Variants in XPO6 observed in about 807,000 individuals in gnomAD.
XPO6 encodes exportin 6.
A neutral mutation model predicts 130.0 loss-of-function variants in XPO6; 3 were observed. That is an observed-to-expected ratio of 0.02 (90% CI 0.01 to 0.06). XPO6 has a LOEUF of 0.06. XPO6 is among the 10% of genes least tolerant of loss of function. XPO6 has a pLI of 1.00. For missense variants in XPO6, 970 were observed against 1,393.0 expected (o/e 0.70, Z 4.83); for synonymous variants, 524 against 548.9 (o/e 0.95, Z 0.63).
chr16:28,142,972 A>G (rs567375219), intron 9 of XPO6, among the ~76,000 whole-genome samples: 104 of 152,318 alleles, frequency 6.8e-4, no homozygotes, highest in Non-Finnish European at 1.3e-3. Flanking sequence ...CAGTCTCCCA[A>G]AGTGCTGGGA....
chr16:28,098,706 C>A (rs903614709), intron 23 of XPO6, 67 bp from the exon 24 acceptor site: 5 of 1,197,546 alleles, frequency 4.2e-6, no homozygotes, highest in African/African-American at 3.0e-5. Context: ...ACCCCAACAG[C>A]TACTTCCATC....
chr16:28,146,700 A>G (rs2042989106), intron 8 of XPO6, among the ~76,000 whole-genome samples: 1 of 152,230 alleles, frequency 6.6e-6, no homozygotes, highest in Non-Finnish European at 1.5e-5. Context: ...TAAGGAAAGT[A>G]ACACTTGCAG....
intron 9 of XPO6, among the ~76,000 whole-genome samples, chr16:28,140,529 T>C (rs1030477941): frequency 2.0e-5 from 3 of 151,440 alleles, no homozygotes; most frequent in African/African-American, 4.9e-5. Flanking sequence ...AATACAAAAA[T>C]TAGCTGAGTG....
At chr16:28,122,768 G>C (rs985611328) in intron 13 of XPO6, among the ~76,000 whole-genome samples, 1 of 152,042 alleles carries the variant, frequency 6.6e-6, no homozygotes. Context: ...AAATGTTTCA[G>C]ATGGGTTGAT....
chr16:28,135,630 C>T (rs1282975732), intron 9 of XPO6, among the ~76,000 whole-genome samples: 1 of 152,144 alleles, frequency 6.6e-6, no homozygotes, highest in African/African-American at 2.4e-5. Context: ...AGTATAGTGA[C>T]CCGAGCTTTC....
At chr16:28,134,330 C>G (rs1344692809) in intron 10 of XPO6, among the ~76,000 whole-genome samples, 2 of 152,220 alleles carry the variant, frequency 1.3e-5, no homozygotes, top group African/African-American at 2.4e-5. Flanking sequence ...AAACGCATCC[C>G]CTGGTGGGCT....
intron 1 of XPO6, among the ~76,000 whole-genome samples, chr16:28,199,135 C>T (rs191340136): frequency 2.6e-4 from 39 of 152,000 alleles, no homozygotes; most frequent in African/African-American, 8.9e-4. Flanking sequence ...AGTGAAACTC[C>T]GTCTCAAAAA....
intron 1 of XPO6, among the ~76,000 whole-genome samples, chr16:28,193,782 C>T (rs936330735): frequency 1.3e-5 from 2 of 152,158 alleles, no homozygotes; most frequent in Non-Finnish European, 2.9e-5. Flanking sequence ...AGCAAGCACG[C>T]ATCACCCGTC....
At chr16:28,131,910 C>T (rs1055009301) in intron 12 of XPO6, among the ~76,000 whole-genome samples, 1 of 152,224 alleles carries the variant, frequency 6.6e-6, no homozygotes, top group African/African-American at 2.4e-5. Context: ...CCCCTGGGGC[C>T]ATTTGCAACA....
At chr16:28,183,868 G>A (rs2043654941) in intron 1 of XPO6, among the ~76,000 whole-genome samples, 1 of 152,124 alleles carries the variant, frequency 6.6e-6, no homozygotes, top group Non-Finnish European at 1.5e-5. Flanking sequence ...AAATGTATAG[G>A]CGGGAAAAAT....
At chr16:28,180,843 C>T in intron 2 of XPO6, 98 bp downstream of exon 2, 2 of 905,370 alleles carry the variant, frequency 2.2e-6, no homozygotes, top group South Asian at 1.9e-5. Context: ...AAGTGGAAAG[C>T]ACGCAGACTT....
At chr16:28,124,994 T>C (rs920719474) in intron 13 of XPO6, among the ~76,000 whole-genome samples, 1 of 152,318 alleles carries the variant, frequency 6.6e-6, no homozygotes, top group East Asian at 1.9e-4. Context: ...AAATGTCCTG[T>C]CACTTACATC....
At chr16:28,103,779 A>ATG (rs3216910) in intron 21 of XPO6, among the ~76,000 whole-genome samples, 5 of 152,250 alleles carry the variant, frequency 3.3e-5, no homozygotes, top group Middle Eastern at 3.4e-3. Flanking sequence ...AAGAGTCAGT[A>ATG]TGTGTGTGTG....
chr16:28,175,022 A>C (rs2043511803), intron 4 of XPO6, among the ~76,000 whole-genome samples: 1 of 152,076 alleles, frequency 6.6e-6, no homozygotes, highest in South Asian at 2.1e-4. Flanking sequence ...GAACACACAA[A>C]TTTTAAATGC....
chr16:28,161,241 ATG>A (rs1173962938), intron 6 of XPO6, among the ~76,000 whole-genome samples: 3 of 152,206 alleles, frequency 2.0e-5, no homozygotes, highest in African/African-American at 7.2e-5. Flanking sequence ...ATGACAAACA[ATG>A]TCTTAGTATT....
In XPO6 at chr16:28,117,287, A is replaced by G. The variant is rs374579238; in HGVS notation, c.2004+31T>C. On this transcript the variant is annotated intron_variant, in intron 15 of 23. Transcript: ENST00000304658. Reference sequence around the variant, plus strand: ...AACAGAAGGAGAGACAGAGAGTTAGATAAAAGGTGTAGGCTTTGCTGTTTC... The same window carrying G: ...AACAGAAGGAGAGACAGAGAGTTAGGTAAAAGGTGTAGGCTTTGCTGTTTC... 9 of 1,611,916 alleles carry G rather than the reference A, an allele frequency of 5.6e-6. No individual in the cohort carries two copies. The Admixed American group carries it at 6.7e-5, about 12-fold the overall frequency.
At chr16:28,140,231 CAAA>C (rs61153494) in intron 9 of XPO6, among the ~76,000 whole-genome samples, 6 of 58,992 alleles carry the variant, frequency 1.0e-4, no homozygotes, top group Admixed American at 1.5e-4. Context: ...GACCCCATCT[CAAA>C]AAAAAAAAAA....
intron 6 of XPO6, among the ~76,000 whole-genome samples, chr16:28,157,918 C>G (rs948633433): frequency 6.6e-6 from 1 of 152,290 alleles, no homozygotes; most frequent in East Asian, 1.9e-4. Flanking sequence ...CAAAGCAACC[C>G]TCACACGGGT....
At chr16:28,211,159 G>C (rs1434685542) in intron 1 of XPO6, among the ~76,000 whole-genome samples, 1 of 152,212 alleles carries the variant, frequency 6.6e-6, no homozygotes, top group African/African-American at 2.4e-5. Context: ...GCGCTCCCAG[G>C]GCCCTCCCAG....
Sources: gnomAD v4.1 joint callset for allele counts (sites outside exome capture counted in the v4.1 genomes callset) on GRCh38, gnomAD v4.1.1 for gene constraint, MANE v1.5 for transcripts, NCBI Gene and HGNC (gene_info 2026-07-23, HGNC 2026-07-21) for gene names.